PVT1: variants seen among roughly 807,000 people sequenced by gnomAD.
The protein encoded by PVT1 is Pvt1 oncogene.
At position 128,050,204 on chromosome 8, in the gene PVT1, G is replaced by T. The variant is rs1290183526; in HGVS notation, n.913-19956G>T. ...CAGTTCCTGACTTTGCTTCCTTCCTGTTGGTGCCCACTCTGTTTCCTTCCA... is the reference window on the plus strand; with the variant it reads ...CAGTTCCTGACTTTGCTTCCTTCCTTTTGGTGCCCACTCTGTTTCCTTCCA... On this transcript the variant is annotated intron_variant and non_coding_transcript_variant, in intron 4 of 10. Coordinates refer to ENST00000651587, the Ensembl canonical transcript of PVT1. Among the ~76,000 whole-genome samples the T allele has an allele frequency of 5.3e-5, 8 of 152,260 alleles. No individual in the cohort carries two copies. In the East Asian group the frequency reaches 1.5e-3, roughly 29 times the overall value.
intron 4 of PVT1, among the ~76,000 whole-genome samples, chr8:128,005,995 C>T (rs190061261): frequency 1.3e-5 from 2 of 151,882 alleles, no homozygotes; most frequent in African/African-American, 2.4e-5. Flanking sequence ...CCCAGCTACT[C>T]AGGGGGCTGA....
chr8:128,043,830 C>CTGTT (rs1244929006), intron 4 of PVT1, among the ~76,000 whole-genome samples: 9 of 116,282 alleles, frequency 7.7e-5, no homozygotes, highest in African/African-American at 3.0e-4. Flanking sequence ...AACATCTTGT[C>CTGTT]TTTTTTTTTT....
intron 3 of PVT1, among the ~76,000 whole-genome samples, chr8:127,936,034 CTTTTTTTTT>C (rs937905808): frequency 9.9e-6 from 1 of 101,270 alleles, no homozygotes; most frequent in African/African-American, 4.2e-5. Flanking sequence ...CTCTCTCTCT[CTTTTTTTTT>C]TTTTTTTTTT....
intron 3 of PVT1, among the ~76,000 whole-genome samples, chr8:127,921,083 T>C (rs142543849): frequency 6.6e-6 from 1 of 152,354 alleles, no homozygotes; most frequent in Non-Finnish European, 1.5e-5. Flanking sequence ...CAGGGGTTTT[T>C]CTCTCCAAGG....
In PVT1 at chr8:128,030,770, C is replaced by T. The variant is rs73357335; in HGVS notation, n.913-39390C>T. Reference sequence around the variant, plus strand: ...TTCAGTCTTCTTTTTTATCTCATTTCTTGCTCAAAGCTCATCTCAGCATTG... The same window carrying T: ...TTCAGTCTTCTTTTTTATCTCATTTTTTGCTCAAAGCTCATCTCAGCATTG... On this transcript the variant is annotated intron_variant and non_coding_transcript_variant, in intron 4 of 10. Coordinates refer to ENST00000651587, the Ensembl canonical transcript of PVT1. 9.1e-3 allele frequency among the ~76,000 whole-genome samples: 1,393 copies of T among 152,314 alleles called. 23 individuals carry two copies. Among genetic ancestry groups the T allele is most frequent in the African/African-American group, 0.032 (1,332 of 41,566 alleles).
intron 3 of PVT1, among the ~76,000 whole-genome samples, chr8:127,956,273 TG>T: frequency 6.6e-6 from 1 of 152,350 alleles, no homozygotes; most frequent in Admixed American, 6.5e-5. Context: ...GAGCTGAGGC[TG>T]AGAGGGGCCT....
intron 4 of PVT1, chr8:128,048,410 G>T (rs543424062): frequency 6.6e-6 from 1 of 152,386 alleles, no homozygotes; most frequent in African/African-American, 2.4e-5. Flanking sequence ...TTTTCCTTGA[G>T]CTTCTGTGCT....
Position 127,967,001 on chromosome 8 carries a change from G to A in PVT1, n.783-22161G>A, listed in dbSNP as rs189681026. Among the ~76,000 whole-genome samples the A allele has an allele frequency of 3.2e-4, 48 of 152,246 alleles. No individual in the cohort carries two copies. The East Asian group carries it at 3.3e-3, about 10-fold the overall frequency. ...TGGGTCCTGAGCCCTAGGCCCCTTT[G>A]CCCCAGAAAGGAAAATCCCGAGGAG... On this transcript the variant is annotated intron_variant and non_coding_transcript_variant, in intron 3 of 10. Transcript: ENST00000651587.
At chr8:127,942,424 T>C (rs1444978777) in intron 3 of PVT1, among the ~76,000 whole-genome samples, 4 of 152,182 alleles carry the variant, frequency 2.6e-5, no homozygotes, top group African/African-American at 2.4e-5. Flanking sequence ...TGCAGGCAAC[T>C]ACACAGCCAG....
intron 2 of PVT1, among the ~76,000 whole-genome samples, chr8:127,807,420 A>T (rs1814540369): frequency 1.3e-5 from 2 of 152,124 alleles, no homozygotes; most frequent in Admixed American, 1.3e-4. Flanking sequence ...TGCAGCCTCT[A>T]CTTTCCAGGC....
At chr8:127,997,283 C>T (rs757884694) in intron 4 of PVT1, among the ~76,000 whole-genome samples, 5 of 151,886 alleles carry the variant, frequency 3.3e-5, no homozygotes, top group Non-Finnish European at 7.4e-5. Context: ...TCAGGTGATC[C>T]GTCTGCCTCA....
intron 4 of PVT1, among the ~76,000 whole-genome samples, chr8:128,013,426 T>C (rs1038674930): frequency 6.6e-6 from 1 of 152,188 alleles, no homozygotes; most frequent in Admixed American, 6.5e-5. Context: ...CTTCTTCCTA[T>C]GTGTAAGCAT....
exon 3 of PVT1, chr8:127,890,646 G>C (rs1398212666): frequency 1.3e-5 from 2 of 152,266 alleles, no homozygotes; most frequent in African/African-American, 4.8e-5. Flanking sequence ...GGCTGTGCCT[G>C]TCAGCTGCAT....
chr8:127,935,957 C>T lies in PVT1; in HGVS notation n.782+44959C>T, dbSNP rs547663202. ...TTGAGAATCTTGTCAGGGGTGGCCA[C>T]GTGAGGGTGGAAGTGGTTTGAATGA... On this transcript the variant is annotated intron_variant and non_coding_transcript_variant, in intron 3 of 10. Coordinates refer to ENST00000651587, the Ensembl canonical transcript of PVT1. Among the ~76,000 whole-genome samples the T allele has an allele frequency of 4.0e-5, 6 of 148,566 alleles. No individual in the cohort carries two copies. The South Asian group carries it at 1.1e-3, about 26-fold the overall frequency.
intron 3 of PVT1, among the ~76,000 whole-genome samples, chr8:127,918,384 C>T (rs749181752): frequency 1.1e-4 from 16 of 152,162 alleles, no homozygotes; most frequent in Non-Finnish European, 2.4e-4. Flanking sequence ...CACGGACTTG[C>T]TCGGTGAATG....
At chr8:127,881,352 A>G (rs1343081943) in intron 2 of PVT1, among the ~76,000 whole-genome samples, 4 of 150,338 alleles carry the variant, frequency 2.7e-5, no homozygotes, top group Admixed American at 1.3e-4. Context: ...CAGTGGACAC[A>G]TGTTTCTATT....
At chr8:127,841,875 G>T (rs539422264) in intron 2 of PVT1, among the ~76,000 whole-genome samples, 1 of 151,798 alleles carries the variant, frequency 6.6e-6, no homozygotes, top group African/African-American at 2.4e-5. Context: ...ACAGGTGTGC[G>T]CCACTACCCC....
At chr8:127,943,106 C>T (rs775907779) in intron 3 of PVT1, among the ~76,000 whole-genome samples, 14 of 152,120 alleles carry the variant, frequency 9.2e-5, no homozygotes, top group Non-Finnish European at 1.5e-4. Context: ...TGGACCATCT[C>T]GTGACTCAGT....
Position 127,898,296 on chromosome 8 carries a change from TAAAATAATGTAAAGAAAG to T in PVT1, n.782+7321_782+7338del, listed in dbSNP as rs922205762. Among the ~76,000 whole-genome samples, 196 of 151,370 alleles carry T rather than the reference TAAAATAATGTAAAGAAAG, an allele frequency of 1.3e-3. 2 individuals carry two copies. Among genetic ancestry groups the T allele is most frequent in the South Asian group, 1.7e-3 (8 of 4,748 alleles). On this transcript the variant is annotated intron_variant and non_coding_transcript_variant, in intron 3 of 10. Coordinates refer to ENST00000651587, the Ensembl canonical transcript of PVT1. The surrounding 1 kb of genome is among the most constrained non-coding windows in gnomAD (Gnocchi z 4.4). ...AAAGAAATAAAAGGCTGTAAAGAAA[TAAAATAATGTAAAGAAAG>T]AAAATAATGTAAAGAAAGAAAAGAA... is the stretch of plus-strand genomic sequence containing the variant.
Sources: allele counts gnomAD v4.1 joint callset (sites outside exome capture counted in the v4.1 genomes callset), GRCh38; gene constraint gnomAD v4.1.1; non-coding constraint Gnocchi (gnomAD v3.1); transcripts MANE v1.5; gene names NCBI Gene and HGNC (gene_info 2026-07-23, HGNC 2026-07-21).